KANSL1L: variants seen among roughly 807,000 people sequenced by gnomAD.
KANSL1L encodes KAT8 regulatory NSL complex subunit 1 like.
A neutral mutation model predicts 108.6 loss-of-function variants in KANSL1L; 25 were observed. The observed-to-expected ratio is 0.23, with a 90% confidence interval of 0.17 to 0.32. The LOEUF is 0.32. Among genes scored for constraint, KANSL1L ranks in the 10% least tolerant of loss-of-function variants. KANSL1L has a pLI of 1.00. For synonymous variants in KANSL1L, 405 were observed against 395.1 expected (o/e 1.03, Z -0.30); for missense variants, 1,137 against 1,125.7 (o/e 1.01, Z -0.14).
chr2:210,138,060 G>A (rs981615929), intron 2 of KANSL1L, among the ~76,000 whole-genome samples: 10 of 151,824 alleles, frequency 6.6e-5, no homozygotes, highest in African/African-American at 2.4e-4. Flanking sequence ...TCTATATAAG[G>A]TACATCTATT....
At chr2:210,073,293 C>T (rs2094519961) in intron 6 of KANSL1L, among the ~76,000 whole-genome samples, 1 of 152,160 alleles carries the variant, frequency 6.6e-6, no homozygotes, top group South Asian at 2.1e-4. Context: ...ATATGAGTTC[C>T]AGACATACTG....
intron 2 of KANSL1L, among the ~76,000 whole-genome samples, chr2:210,144,876 T>C (rs1203518344): frequency 6.6e-6 from 1 of 152,206 alleles, no homozygotes; most frequent in East Asian, 1.9e-4. Context: ...TTATGATTCT[T>C]TGGCTTTTCA....
At chr2:210,067,537 A>G (rs899418212) in intron 6 of KANSL1L, among the ~76,000 whole-genome samples, 4 of 151,982 alleles carry the variant, frequency 2.6e-5, no homozygotes, top group Admixed American at 2.6e-4. Flanking sequence ...ATCTCTGCAA[A>G]AAATATAAAG....
At chr2:210,146,186 T>C (rs1311171871) in intron 2 of KANSL1L, among the ~76,000 whole-genome samples, 1 of 152,172 alleles carries the variant, frequency 6.6e-6, no homozygotes, top group East Asian at 1.9e-4. Flanking sequence ...GTCTCAGGTA[T>C]GCCAGTCTCC....
At chr2:210,058,676 A>G (rs1264397748) in intron 6 of KANSL1L, among the ~76,000 whole-genome samples, 2 of 151,960 alleles carry the variant, frequency 1.3e-5, no homozygotes, top group East Asian at 3.9e-4. Context: ...TACTAAAAAT[A>G]TTTTTAAAAA....
rs1168255475 is a variant in KANSL1L, at chr2:210,153,502, C to T, written c.1081G>A (p.Val361Met). 5 of 1,613,500 alleles carry T rather than the reference C, an allele frequency of 3.1e-6. No individual in the cohort carries two copies. Among genetic ancestry groups the T allele is most frequent in the African/African-American group, 1.3e-5 (1 of 74,860 alleles). ...TAATAATTTTGCACTTACACTGCCA[C>T]ATTTTTTCTAAGGGTATATTCATCC... ...DLDEYTLRKN[V>M]AVNCSTEWKW... The change falls in exon 2 of 15, where the codon GTG becomes ATG. Residue 361 changes from valine to methionine, a missense_variant. By Grantham distance (21) the Val-to-Met change is conservative. Around this residue, in one of 3 missense-constraint regions of KANSL1L, gnomAD observed 556 missense variants for 537.7 expected, o/e 1.03. Coordinates refer to ENST00000281772, the MANE Select transcript of KANSL1L (RefSeq NM_152519.4).
intron 6 of KANSL1L, among the ~76,000 whole-genome samples, chr2:210,074,618 G>T (rs2094529764): frequency 6.6e-6 from 1 of 152,168 alleles, no homozygotes; most frequent in Admixed American, 6.5e-5. Context: ...GCCTCCCAAA[G>T]TACTGGGATT....
intron 8 of KANSL1L, among the ~76,000 whole-genome samples, chr2:210,035,569 C>T (rs887473602): frequency 6.6e-6 from 1 of 152,146 alleles, no homozygotes; most frequent in African/African-American, 2.4e-5. Flanking sequence ...ACGTCTGCCT[C>T]CTGGGTTCAA....
intron 1 of KANSL1L, among the ~76,000 whole-genome samples, chr2:210,160,650 C>A (rs2095356745): frequency 6.6e-6 from 1 of 152,136 alleles, no homozygotes; most frequent in South Asian, 2.1e-4. Flanking sequence ...ATACAAAACA[C>A]CCATAAAAAT....
rs1434451984 is a variant in KANSL1L, at chr2:210,024,094, G to A, written c.2672C>T (p.Ser891Leu). The A allele has an allele frequency of 6.2e-7, 1 of 1,607,970 alleles. No individual in the cohort carries two copies. Among genetic ancestry groups the A allele is most frequent in the Non-Finnish European group, 8.5e-7 (1 of 1,176,824 alleles). ...CAAASPPGLP[S>L]ENQDLCAYGL... ...ATATGCACACAGATCCTGGTTCTCT[G>A]AAGGAAGCCCAGGAGGACTTGCAGC... The change falls in exon 14 of 15, where the codon TCA becomes TTA. Residue 891 changes from serine (S) to leucine (L), a missense_variant. By Grantham distance (145) the Ser-to-Leu change is moderately radical. Around this residue, in one of 3 missense-constraint regions of KANSL1L, gnomAD observed 575 missense variants for 567.1 expected, o/e 1.01. Transcript: ENST00000281772.
At chr2:210,063,432 T>G (rs1270886262) in intron 6 of KANSL1L, among the ~76,000 whole-genome samples, 1 of 152,206 alleles carries the variant, frequency 6.6e-6, no homozygotes, top group East Asian at 1.9e-4. Flanking sequence ...CTTCAGACTC[T>G]AGAATGGTAG....
chr2:210,079,795 T>TA (rs1268973890), intron 5 of KANSL1L: 1 of 142,324 alleles, frequency 7.0e-6, no homozygotes, highest in Non-Finnish European at 1.5e-5. Flanking sequence ...ATACATTCCT[T>TA]TTTTTTTTTT....
intron 6 of KANSL1L, among the ~76,000 whole-genome samples, chr2:210,063,225 G>C (rs1032035440): frequency 1.3e-5 from 2 of 152,194 alleles, no homozygotes; most frequent in African/African-American, 2.4e-5. Context: ...GAAGTCAAGA[G>C]GTTTGGGACC....
chr2:210,136,874 C>CA (rs1285293716), intron 2 of KANSL1L, among the ~76,000 whole-genome samples: 4 of 152,118 alleles, frequency 2.6e-5, no homozygotes, highest in Non-Finnish European at 4.4e-5. Context: ...TGCTCTAACA[C>CA]AATATATGCA....
chr2:210,165,866 T>C (rs541963932), intron 1 of KANSL1L, among the ~76,000 whole-genome samples: 73 of 152,276 alleles, frequency 4.8e-4, no homozygotes, highest in African/African-American at 1.7e-3. Flanking sequence ...CAAAAACAGG[T>C]GAGTACAGTA....
chr2:210,070,587 A>T (rs1450078418), intron 6 of KANSL1L, among the ~76,000 whole-genome samples: 1 of 152,128 alleles, frequency 6.6e-6, no homozygotes, highest in Non-Finnish European at 1.5e-5. Context: ...TCTAAATTCA[A>T]AATGATCTCA....
chr2:210,166,160 A>G (rs1348657183), intron 1 of KANSL1L, among the ~76,000 whole-genome samples: 2 of 152,172 alleles, frequency 1.3e-5, no homozygotes, highest in Non-Finnish European at 2.9e-5. Flanking sequence ...CAGACTTTCC[A>G]TTAGGAGTTT....
intron 5 of KANSL1L, among the ~76,000 whole-genome samples, chr2:210,079,589 T>C (rs2094566533): frequency 1.4e-5 from 1 of 70,204 alleles, no homozygotes; most frequent in Non-Finnish European, 3.1e-5. Context: ...AGACTCTGTC[T>C]CAAAAAAAAA....
chr2:210,099,962 T>A (rs2094777271), intron 4 of KANSL1L, among the ~76,000 whole-genome samples: 1 of 152,200 alleles, frequency 6.6e-6, no homozygotes, highest in South Asian at 2.1e-4. Context: ...CATAACAAGA[T>A]TTATAATGTA....
Sources: gnomAD v4.1 joint callset for allele counts (sites outside exome capture counted in the v4.1 genomes callset) on GRCh38, gnomAD v4.1.1 for gene constraint, gnomAD v4.1.1 regional missense constraint, MANE v1.5 for transcripts, NCBI Gene and HGNC (gene_info 2026-07-23, HGNC 2026-07-21) for gene names.